Variants in CLSTN2 observed in about 807,000 individuals in gnomAD.
The protein encoded by CLSTN2 is calsyntenin-2.
Under a neutral mutation model 101.2 loss-of-function variants are expected in CLSTN2, and 48 were observed. The observed-to-expected ratio is 0.47, with a 90% confidence interval of 0.38 to 0.60. The LOEUF (loss-of-function observed/expected upper bound fraction) is 0.60, where lower values mean the gene tolerates loss of function less well. Ranked by LOEUF, CLSTN2 falls within the 20% of genes least tolerant of loss-of-function variation. The pLI is 0.00. For synonymous variants in CLSTN2, 481 were observed against 463.6 expected (o/e 1.04, Z -0.48); for missense variants, 1,160 against 1,238.2 (o/e 0.94, Z 0.95).
chr3:140,532,949 A>C (rs1935288324), intron 9 of CLSTN2, among the ~76,000 whole-genome samples: 1 of 152,198 alleles, frequency 6.6e-6, no homozygotes, highest in Non-Finnish European at 1.5e-5. Flanking sequence ...GCTTGCCCAG[A>C]GCTGTGGAAG....
intron 4 of CLSTN2, among the ~76,000 whole-genome samples, chr3:140,405,420 TTTTA>T (rs2088292383): frequency 6.6e-6 from 1 of 151,910 alleles, no homozygotes. Flanking sequence ...GGAGATGGGG[TTTTA>T]CCATGTTGGT....
intron 2 of CLSTN2, among the ~76,000 whole-genome samples, chr3:140,368,621 C>T (rs2087819325): frequency 6.6e-6 from 1 of 152,156 alleles, no homozygotes; most frequent in Non-Finnish European, 1.5e-5. Flanking sequence ...GCCACTTAGG[C>T]ATCCTTCCTG....
chr3:140,521,048 ATTTT>A (rs57840726), intron 8 of CLSTN2, among the ~76,000 whole-genome samples: 2,093 of 125,468 alleles, frequency 0.017, 50 homozygotes, highest in African/African-American at 0.057. Context: ...GCTTTTTTGC[ATTTT>A]TTTTTTTTTT....
chr3:140,203,465 T>TTTTG (rs1559805560), intron 2 of CLSTN2, among the ~76,000 whole-genome samples: 1 of 122,064 alleles, frequency 8.2e-6, no homozygotes. Flanking sequence ...GTGTGGGTTT[T>TTTTG]TTTTTTTTTT....
At chr3:140,361,447 C>A (rs561967428) in intron 2 of CLSTN2, among the ~76,000 whole-genome samples, 18 of 152,258 alleles carry the variant, frequency 1.2e-4, no homozygotes, top group Middle Eastern at 3.4e-3. Flanking sequence ...ATTCTCCATA[C>A]TTCTATTCAA....
At chr3:140,003,266 TA>T (rs773662700) in intron 1 of CLSTN2, among the ~76,000 whole-genome samples, 5 of 152,170 alleles carry the variant, frequency 3.3e-5, no homozygotes, top group Admixed American at 6.5e-5. Context: ...ATAAACCTTT[TA>T]CTTCTTAAGT....
At chr3:140,563,381 G>A (rs576959412) in intron 15 of CLSTN2, among the ~76,000 whole-genome samples, 178 bp downstream of exon 15, 11 of 152,264 alleles carry the variant, frequency 7.2e-5, no homozygotes, top group Admixed American at 4.6e-4. Context: ...ATAGGCAGTC[G>A]ATAAGTAAAC....
At chr3:140,556,191 CATGGA>C (rs1935786754) in intron 10 of CLSTN2, among the ~76,000 whole-genome samples, 2 of 152,148 alleles carry the variant, frequency 1.3e-5, no homozygotes, top group African/African-American at 4.8e-5. Context: ...TAGCACAGAG[CATGGA>C]CCACTGTTCG....
chr3:140,471,305 C>T (rs1048783341), intron 8 of CLSTN2, among the ~76,000 whole-genome samples: 1 of 152,134 alleles, frequency 6.6e-6, no homozygotes, highest in Non-Finnish European at 1.5e-5. Context: ...ATCTAATAAT[C>T]TTCCCTTTGG....
intron 1 of CLSTN2, among the ~76,000 whole-genome samples, chr3:140,070,463 A>G (rs1320826119): frequency 6.6e-6 from 1 of 152,244 alleles, no homozygotes; most frequent in African/African-American, 2.4e-5. Flanking sequence ...TTCATATGCA[A>G]TGATAAACAA....
At chr3:140,260,635 G>C (rs1229064648) in intron 2 of CLSTN2, among the ~76,000 whole-genome samples, 5 of 152,082 alleles carry the variant, frequency 3.3e-5, no homozygotes, top group Non-Finnish European at 7.4e-5. Flanking sequence ...GCTTACTGTA[G>C]TATGATGCAT....
chr3:140,266,511 G>A (rs2086694996), intron 2 of CLSTN2, among the ~76,000 whole-genome samples: 1 of 152,162 alleles, frequency 6.6e-6, no homozygotes, highest in South Asian at 2.1e-4. Context: ...CCAATTCTCA[G>A]CTACTGGAGA....
At chr3:140,290,306 G>A (rs2086935677) in intron 2 of CLSTN2, among the ~76,000 whole-genome samples, 1 of 152,140 alleles carries the variant, frequency 6.6e-6, no homozygotes, top group African/African-American at 2.4e-5. Context: ...GGAAATACAG[G>A]GAGTTTAAAA....
At chr3:140,476,833 G>A (rs1180368097) in intron 8 of CLSTN2, among the ~76,000 whole-genome samples, 3 of 151,798 alleles carry the variant, frequency 2.0e-5, no homozygotes, top group South Asian at 4.2e-4. Flanking sequence ...TAATTTTTTT[G>A]TATTTTTAGT....
intron 6 of CLSTN2, among the ~76,000 whole-genome samples, chr3:140,452,139 GGGACAACGATGGCAGTTGCCTGT>G (rs2108011335): frequency 6.6e-6 from 1 of 152,248 alleles, no homozygotes; most frequent in South Asian, 2.1e-4. Flanking sequence ...GCACACCTAA[GGGACAACGATGGCAGTTGCCTGT>G]GGTATACCCT....
At chr3:140,249,629 T>G (rs1159228532) in intron 2 of CLSTN2, among the ~76,000 whole-genome samples, 1 of 152,340 alleles carries the variant, frequency 6.6e-6, no homozygotes, top group East Asian at 1.9e-4. Context: ...ATCTCCATTT[T>G]ACAGATGAGA....
At chr3:140,134,291 A>G (rs2009566535) in intron 1 of CLSTN2, among the ~76,000 whole-genome samples, 1 of 152,060 alleles carries the variant, frequency 6.6e-6, no homozygotes. Context: ...TTCCTTCTGG[A>G]CATAGAAGAA....
chr3:140,326,717 A>G (rs577841358), intron 2 of CLSTN2, among the ~76,000 whole-genome samples: 1 of 152,314 alleles, frequency 6.6e-6, no homozygotes, highest in Non-Finnish European at 1.5e-5. Context: ...GCTGATGATG[A>G]AGGACCCAAG....
intron 2 of CLSTN2, among the ~76,000 whole-genome samples, chr3:140,324,832 G>T (rs1164821045): frequency 6.6e-6 from 1 of 152,160 alleles, no homozygotes; most frequent in African/African-American, 2.4e-5. Flanking sequence ...TGAGGGAGAG[G>T]ACTTCTTTGC....
Sources: allele counts gnomAD v4.1 joint callset (sites outside exome capture counted in the v4.1 genomes callset), GRCh38; gene constraint gnomAD v4.1.1; transcripts MANE v1.5; gene names NCBI Gene and HGNC (gene_info 2026-07-23, HGNC 2026-07-21).